The following FBXW4 variants were observed in gnomAD, a reference collection of about 807,000 sequenced individuals.
FBXW4 encodes F-box/WD repeat-containing protein 4.
Under a neutral mutation model 61.8 loss-of-function variants are expected in FBXW4, and 40 were observed. The ratio of observed to expected loss-of-function variants is 0.65; its 90% CI spans 0.50 to 0.84. The LOEUF is 0.84. FBXW4 is among the 40% of genes least tolerant of loss of function. FBXW4 has a pLI of 0.00. For synonymous variants in FBXW4, 311 were observed against 313.8 expected (o/e 0.99, Z 0.10); for missense variants, 672 against 753.8 (o/e 0.89, Z 1.27).
At chr10:101,665,143 G>T (rs2064285661) in intron 5 of FBXW4, among the ~76,000 whole-genome samples, 1 of 152,072 alleles carries the variant, frequency 6.6e-6, no homozygotes, top group Non-Finnish European at 1.5e-5. Flanking sequence ...AGAAGAAATG[G>T]ATCTAATAAT....
chr10:101,693,094 G>T (rs773126582), intron 1 of FBXW4, among the ~76,000 whole-genome samples: 1 of 152,170 alleles, frequency 6.6e-6, no homozygotes, highest in South Asian at 2.1e-4. Flanking sequence ...CCAGCCAGTG[G>T]TAAAAGAGAT....
intron 1 of FBXW4, among the ~76,000 whole-genome samples, chr10:101,691,255 T>C (rs1189768104): frequency 6.6e-6 from 1 of 152,148 alleles, no homozygotes; most frequent in South Asian, 2.1e-4. Flanking sequence ...CTGGGGTGCA[T>C]GCCTTCTCCC....
intron 5 of FBXW4, among the ~76,000 whole-genome samples, chr10:101,636,344 C>A (rs1353050225): frequency 7.0e-6 from 1 of 142,090 alleles, no homozygotes; most frequent in Non-Finnish European, 1.5e-5. Context: ...GGTGAGAGAG[C>A]AAGACTCCAT....
At chr10:101,621,833 G>C (rs1017038400) in intron 6 of FBXW4, among the ~76,000 whole-genome samples, 3 of 152,164 alleles carry the variant, frequency 2.0e-5, no homozygotes, top group African/African-American at 2.4e-5. Flanking sequence ...TTGGCCTGAA[G>C]AAGAGGAGGC....
intron 6 of FBXW4, chr10:101,613,063 C>G (rs1014129286): frequency 6.6e-6 from 1 of 152,230 alleles, no homozygotes; most frequent in Non-Finnish European, 1.5e-5. Context: ...CCCTGGTGTT[C>G]CTGGTCTAGC....
At chr10:101,677,905 T>C (rs1190865055) in intron 1 of FBXW4, among the ~76,000 whole-genome samples, 3 of 151,888 alleles carry the variant, frequency 2.0e-5, no homozygotes, top group Non-Finnish European at 4.4e-5. Context: ...TAAACTAATA[T>C]ACTCTAGTCA....
chr10:101,651,284 A>T (rs185907584), intron 5 of FBXW4, among the ~76,000 whole-genome samples: 1 of 151,152 alleles, frequency 6.6e-6, no homozygotes, highest in East Asian at 2.0e-4. Context: ...ACTCGCCTAC[A>T]CTCTGGAGCG....
At chr10:101,684,332 T>C (rs2064509774) in intron 1 of FBXW4, among the ~76,000 whole-genome samples, 1 of 152,212 alleles carries the variant, frequency 6.6e-6, no homozygotes, top group South Asian at 2.1e-4. Flanking sequence ...TTCACCATGT[T>C]AGCCAGGATA....
chr10:101,625,704 G>C (rs2063902292), intron 5 of FBXW4: 1 of 152,274 alleles, frequency 6.6e-6, no homozygotes, highest in Admixed American at 6.5e-5. Flanking sequence ...GATTTGGTAG[G>C]GTGGAGAGGG....
At chr10:101,658,583 G>T (rs927661366) in intron 5 of FBXW4, among the ~76,000 whole-genome samples, 18 of 152,206 alleles carry the variant, frequency 1.2e-4, no homozygotes, top group African/African-American at 3.9e-4. Context: ...AAAAGAAAAT[G>T]AGGAAGGTAA....
chr10:101,689,396 C>T (rs1438593555), intron 1 of FBXW4, among the ~76,000 whole-genome samples: 1 of 152,206 alleles, frequency 6.6e-6, no homozygotes, highest in Non-Finnish European at 1.5e-5. Context: ...AGTGATTGCA[C>T]TAGACCATGT....
chr10:101,642,920 A>G (rs991430788), intron 5 of FBXW4, among the ~76,000 whole-genome samples: 1 of 152,216 alleles, frequency 6.6e-6, no homozygotes, highest in Non-Finnish European at 1.5e-5. Context: ...GGGTACGCAC[A>G]TACATACATA....
intron 1 of FBXW4, among the ~76,000 whole-genome samples, chr10:101,689,251 G>GAAAAACTTGGAGAAACCCAAGT (rs2064564850): frequency 6.6e-6 from 1 of 152,098 alleles, no homozygotes; most frequent in Admixed American, 6.5e-5. Context: ...GTTTCTCCAT[G>GAAAAACTTGGAGAAACCCAAGT]TTTCTGCCTT....
intron 4 of FBXW4, among the ~76,000 whole-genome samples, chr10:101,671,238 A>G (rs974985095): frequency 7.2e-5 from 11 of 152,238 alleles, no homozygotes; most frequent in African/African-American, 2.4e-4. Context: ...GCCAGGAAAG[A>G]AGAGTTGGCA....
intron 6 of FBXW4, among the ~76,000 whole-genome samples, chr10:101,617,336 C>T (rs185638932): frequency 6.6e-6 from 1 of 152,352 alleles, no homozygotes; most frequent in Admixed American, 6.5e-5. Context: ...TCAACATCCT[C>T]AGGACTTGCC....
At chr10:101,680,343 T>C (rs1348360176) in intron 1 of FBXW4, among the ~76,000 whole-genome samples, 4 of 152,150 alleles carry the variant, frequency 2.6e-5, no homozygotes, top group Non-Finnish European at 5.9e-5. Flanking sequence ...AATGTATCAA[T>C]TATAAAGTAT....
At chr10:101,693,735 G>C (rs2064636248) in intron 1 of FBXW4, among the ~76,000 whole-genome samples, 1 of 152,108 alleles carries the variant, frequency 6.6e-6, no homozygotes, top group Admixed American at 6.6e-5. Context: ...ACAGGTCTCA[G>C]ACCCTACCAA....
At chr10:101,612,249 C>T in intron 7 of FBXW4, 88 bp downstream of exon 7, 1 of 1,352,386 alleles carries the variant, frequency 7.4e-7, no homozygotes, top group Admixed American at 3.1e-5. Flanking sequence ...TCTCTGTGCC[C>T]TCTCCCATGG....
chr10:101,693,315 A>G (rs2064631775), intron 1 of FBXW4, among the ~76,000 whole-genome samples: 1 of 152,232 alleles, frequency 6.6e-6, no homozygotes, highest in Non-Finnish European at 1.5e-5. Flanking sequence ...CATGTGACTT[A>G]TATTTCAGTA....
Sources: allele counts gnomAD v4.1 joint callset (sites outside exome capture counted in the v4.1 genomes callset), GRCh38; gene constraint gnomAD v4.1.1; transcripts MANE v1.5; gene names NCBI Gene and HGNC (gene_info 2026-07-23, HGNC 2026-07-21).